Variants in DLGAP2 observed in about 807,000 individuals in gnomAD.
DLGAP2 encodes the protein disks large-associated protein 2.
DLGAP2 carries 26 observed loss-of-function variants against 100.3 expected under a neutral mutation model. The observed-to-expected ratio is 0.26, with a 90% CI of 0.19 to 0.36. DLGAP2 has a LOEUF of 0.36. DLGAP2 is among the 10% of genes least tolerant of loss of function. The probability of loss-of-function intolerance (pLI) is 1.00; values close to 1 mark genes in which losing one functional copy is unlikely to be tolerated. For synonymous variants in DLGAP2, 886 were observed against 630.1 expected, an observed-to-expected ratio of 1.41 and a Z score of -6.08; for missense variants, 1,858 against 1,453.2, an observed-to-expected ratio of 1.28 and a Z score of -4.53.
intron 2 of DLGAP2, among the ~76,000 whole-genome samples, chr8:1,007,887 G>A (rs1467532244): frequency 6.6e-6 from 1 of 152,072 alleles, no homozygotes; most frequent in African/African-American, 2.4e-5. Context: ...TTTTAAAAGG[G>A]AAAATGTCCC....
chr8:1,281,263 TGA>T (rs1799807968), intron 3 of DLGAP2, among the ~76,000 whole-genome samples: 1 of 152,252 alleles, frequency 6.6e-6, no homozygotes, highest in South Asian at 2.1e-4. Flanking sequence ...ATGTGGGTTT[TGA>T]GCCACGTGCC....
At chr8:1,476,388 C>T (rs189614469) in intron 3 of DLGAP2, among the ~76,000 whole-genome samples, 2 of 151,772 alleles carry the variant, frequency 1.3e-5, no homozygotes, top group African/African-American at 4.9e-5. Flanking sequence ...CTATTCCCAT[C>T]GCGCCTGTGA....
chr8:1,503,079 TG>T (rs1178374756), intron 4 of DLGAP2, among the ~76,000 whole-genome samples: 1 of 152,124 alleles, frequency 6.6e-6, no homozygotes, highest in Admixed American at 6.5e-5. Flanking sequence ...GGGATGAGGC[TG>T]GGGGGCGAAG....
chr8:1,345,309 G>A (rs1460279723), intron 3 of DLGAP2, among the ~76,000 whole-genome samples: 2 of 152,154 alleles, frequency 1.3e-5, no homozygotes, highest in Admixed American at 6.5e-5. Flanking sequence ...TCAGAGCAGA[G>A]TGTGCGGTTG....
At chr8:1,027,125 T>A (rs1355880795) in intron 2 of DLGAP2, among the ~76,000 whole-genome samples, 1 of 152,232 alleles carries the variant, frequency 6.6e-6, no homozygotes, top group Non-Finnish European at 1.5e-5. Context: ...GTAAATTGTT[T>A]TACAGAAAAG....
rs1385076515 is a variant in DLGAP2 at position 1,626,792 on chromosome 8, C to T, written c.1495C>T (p.Pro499Ser). 4 of 1,603,532 alleles carry T rather than the reference C, an allele frequency of 2.5e-6. No individual in the cohort carries two copies. Among genetic ancestry groups the T allele is most frequent in the Middle Eastern group, 1.6e-4 (1 of 6,080 alleles). ...TGTGCCTGTGGGACACAGCCTGGAC[C>T]CCGCTGCGAACTACAACTCCCCGAA... ...SDVPVGHSLDPAANYNSPKFR... is the reference protein window; with the variant it reads ...SDVPVGHSLDSAANYNSPKFR... The change falls in exon 7 of 15, where the codon CCC becomes TCC. Residue 499 changes from proline to serine, a missense_variant. By Grantham distance (74) the Pro-to-Ser change is moderately conservative. Transcript: ENST00000637795.
rs572174251 is a variant in DLGAP2, at chr8:1,652,932, C to T, written c.1811-15397C>T. On this transcript the variant is annotated intron_variant, in intron 8 of 14. Transcript: ENST00000637795. ...GATGACTCATTGTGCAATTATCTTGCCAGCCTCTCCGGTCCATATGCCCTT... is the reference window on the plus strand; with the variant it reads ...GATGACTCATTGTGCAATTATCTTGTCAGCCTCTCCGGTCCATATGCCCTT... 2.2e-4 allele frequency among the ~76,000 whole-genome samples: 33 copies of T among 152,290 alleles called. 1 individual carries two copies. In the South Asian group the frequency reaches 6.4e-3, roughly 30 times the overall value.
At chr8:972,932 G>T (rs1224796479) in intron 2 of DLGAP2, among the ~76,000 whole-genome samples, 1 of 152,180 alleles carries the variant, frequency 6.6e-6, no homozygotes, top group Non-Finnish European at 1.5e-5. Context: ...CCACCGTGTT[G>T]GGGGTAAGGT....
chr8:837,690 A>C (rs112621741), intron 1 of DLGAP2, among the ~76,000 whole-genome samples: 21 of 136,852 alleles, frequency 1.5e-4, no homozygotes, highest in African/African-American at 5.2e-4. Context: ...GTGTGTGTAT[A>C]TAATATGTAT....
chr8:1,384,696 G>A (rs1796175976), intron 3 of DLGAP2, among the ~76,000 whole-genome samples: 2 of 80,792 alleles, frequency 2.5e-5, no homozygotes, highest in Non-Finnish European at 2.4e-5. Flanking sequence ...TGAGAACTTG[G>A]TGCACAGTTA....
Position 957,416 on chromosome 8 carries a change from G to A in DLGAP2, c.73+49450G>A, listed in dbSNP as rs1054481515. On this transcript the variant is annotated intron_variant, in intron 2 of 14. Coordinates refer to ENST00000637795, the MANE Select transcript of DLGAP2 (RefSeq NM_001346810.2). The stretch of plus-strand genomic sequence containing the variant: ...GCAGGGCTGCTGTGTCTTGGAAGCT[G>A]GGTTTAAAGCGTATTTTTCACCCGT... Among the ~76,000 whole-genome samples, 12 of 152,312 alleles carry A rather than the reference G, an allele frequency of 7.9e-5. No homozygotes were observed. The East Asian group carries it at 2.3e-3, about 29-fold the overall frequency.
intron 2 of DLGAP2, among the ~76,000 whole-genome samples, chr8:1,064,134 C>G (rs1005008529): frequency 3.3e-5 from 5 of 152,174 alleles, no homozygotes; most frequent in Non-Finnish European, 7.3e-5. Flanking sequence ...AATCCAATGG[C>G]TGGTGGGGCG....
chr8:1,282,932 A>G (rs7829941), intron 3 of DLGAP2, among the ~76,000 whole-genome samples: 126 of 74,928 alleles, frequency 1.7e-3, no homozygotes, highest in Middle Eastern at 0.014. Context: ...CCATCCAGAC[A>G]TGGTGTGACC....
intron 2 of DLGAP2, among the ~76,000 whole-genome samples, chr8:1,156,849 G>A (rs1419990209): frequency 1.3e-5 from 2 of 152,178 alleles, no homozygotes; most frequent in Admixed American, 1.3e-4. Flanking sequence ...AGAGAGGTTG[G>A]TAGAAAGGTT....
intron 3 of DLGAP2, among the ~76,000 whole-genome samples, chr8:1,387,162 AG>A (rs1257744161): frequency 1.3e-5 from 2 of 152,210 alleles, no homozygotes; most frequent in Non-Finnish European, 2.9e-5. Flanking sequence ...ATGGTATTGA[AG>A]AAAACAGCCG....
At chr8:1,105,355 G>T (rs886182682) in intron 2 of DLGAP2, among the ~76,000 whole-genome samples, 27 of 152,184 alleles carry the variant, frequency 1.8e-4, no homozygotes, top group African/African-American at 6.0e-4. Context: ...GATTAACCTT[G>T]TTCTGCCTGA....
chr8:949,078 G>A (rs537959289), intron 2 of DLGAP2, among the ~76,000 whole-genome samples: 12 of 152,200 alleles, frequency 7.9e-5, no homozygotes, highest in African/African-American at 2.4e-4. Flanking sequence ...GACTGCCGCC[G>A]TCTTGAGGGG....
chr8:1,203,739 C>G (rs1410215606), intron 2 of DLGAP2, among the ~76,000 whole-genome samples: 1 of 152,212 alleles, frequency 6.6e-6, no homozygotes, highest in Non-Finnish European at 1.5e-5. Flanking sequence ...TTTCTCCACT[C>G]TCACTTTACA....
At chr8:1,081,162 AAAT>A (rs1242198858) in intron 2 of DLGAP2, among the ~76,000 whole-genome samples, 1 of 152,156 alleles carries the variant, frequency 6.6e-6, no homozygotes, top group Non-Finnish European at 1.5e-5. Context: ...CTCGTTTCTG[AAAT>A]AATAATGATA....
Sources: gnomAD v4.1 joint callset for allele counts (sites outside exome capture counted in the v4.1 genomes callset) on GRCh38, gnomAD v4.1.1 for gene constraint, MANE v1.5 for transcripts, NCBI Gene and HGNC (gene_info 2026-07-23, HGNC 2026-07-21) for gene names.